Variants in PRH1 observed in about 807,000 individuals in gnomAD.
PRH1 encodes proline rich protein HaeIII subfamily 1.
Under a neutral mutation model 7.9 loss-of-function variants are expected in PRH1, and 7 were observed. That is an observed-to-expected ratio of 0.89 (90% CI 0.50 to 1.67). The LOEUF (loss-of-function observed/expected upper bound fraction) is 1.67, where lower values mean the gene tolerates loss of function less well. Among genes scored for constraint, PRH1 ranks in the 40% most tolerant of loss-of-function variants. The pLI, the probability that PRH1 is intolerant of heterozygous loss-of-function variation, is 0.00. For synonymous variants in PRH1, 45 were observed against 80.8 expected (o/e 0.56, Z 2.38); for missense variants, 109 against 223.6 (o/e 0.49, Z 3.27).
intron 2 of PRH1, among the ~76,000 whole-genome samples, chr12:10,956,433 G>A (rs933941168): frequency 2.0e-5 from 3 of 151,846 alleles, no homozygotes; most frequent in African/African-American, 4.8e-5. Context: ...ACAATAATAA[G>A]AGCCACCCAT....
intron 1 of PRH1, among the ~76,000 whole-genome samples, chr12:11,001,269 A>G (rs1318243629): frequency 6.6e-6 from 1 of 152,070 alleles, no homozygotes; most frequent in Non-Finnish European, 1.5e-5. Flanking sequence ...CCAATAAATA[A>G]ATTATAGCAC....
chr12:11,156,938 T>C (rs34692077), intron 1 of PRH1, among the ~76,000 whole-genome samples: 112,793 of 151,254 alleles, frequency 0.75, 44,529 homozygotes, highest in East Asian at 0.96. Context: ...CTCTGCCTCC[T>C]GGGTTCACAC....
At chr12:10,946,900 C>T (rs1039986319) in intron 2 of PRH1, among the ~76,000 whole-genome samples, 3 of 151,982 alleles carry the variant, frequency 2.0e-5, no homozygotes, top group Non-Finnish European at 4.4e-5. Flanking sequence ...TAAAAGTCAT[C>T]CAGGAGCATG....
intron 1 of PRH1, among the ~76,000 whole-genome samples, chr12:11,109,094 C>T (rs1257053826): frequency 6.6e-6 from 1 of 152,202 alleles, no homozygotes; most frequent in East Asian, 1.9e-4. Flanking sequence ...TCTGCACAAC[C>T]ACTGTAGCCA....
chr12:11,002,872 A>C (rs1940658775), intron 1 of PRH1, among the ~76,000 whole-genome samples: 1 of 152,100 alleles, frequency 6.6e-6, no homozygotes, highest in South Asian at 2.1e-4. Flanking sequence ...AATGGGAACA[A>C]CATGAGTATA....
At chr12:10,898,098 G>A (rs1048360098) in intron 2 of PRH1, among the ~76,000 whole-genome samples, 1 of 152,110 alleles carries the variant, frequency 6.6e-6, no homozygotes. Flanking sequence ...CTCAGTGTAA[G>A]GGGAACTTGT....
In PRH1 at chr12:11,094,107, T is replaced by C. The variant is rs549779826; in HGVS notation, n.124-46919A>G. ...TTATGAGGTCAAGAGATGGAGACCATCCTGGCCAACATGGTGAAACCCCGT... is the reference window on the plus strand; with the variant it reads ...TTATGAGGTCAAGAGATGGAGACCACCCTGGCCAACATGGTGAAACCCCGT... On this transcript the variant is annotated intron_variant and non_coding_transcript_variant, in intron 1 of 4. Coordinates refer to the PRH1 transcript ENST00000541977. Among the ~76,000 whole-genome samples, 30 of 111,638 alleles carry C rather than the reference T, an allele frequency of 2.7e-4. 7 individuals are homozygous for C. Among genetic ancestry groups the C allele is most frequent in the Non-Finnish European group, 4.4e-4 (21 of 47,618 alleles). 73.2% of individuals were successfully genotyped at this position (111,638 alleles called of 152,430 possible).
At chr12:10,965,824 C>T (rs555059137) in intron 2 of PRH1, among the ~76,000 whole-genome samples, 6 of 152,300 alleles carry the variant, frequency 3.9e-5, no homozygotes, top group African/African-American at 1.4e-4. Context: ...TTAGTTATAA[C>T]TAGGATCATC....
chr12:10,909,115 T>C (rs1471907519), intron 2 of PRH1: 1 of 1,613,778 alleles, frequency 6.2e-7, no homozygotes. Context: ...CTTACTAATA[T>C]TTCCCAGATC....
chr12:11,119,094 G>A (rs1363421288), downstream of PRH1, among the ~76,000 whole-genome samples: 5 of 151,612 alleles, frequency 3.3e-5, no homozygotes, highest in Middle Eastern at 6.8e-3. Flanking sequence ...CCTGTCATTT[G>A]CAGCAATACG....
intron 2 of PRH1, among the ~76,000 whole-genome samples, chr12:10,956,935 G>T (rs1591725927): frequency 6.6e-6 from 1 of 151,996 alleles, no homozygotes; most frequent in African/African-American, 2.4e-5. Context: ...ACGGGAAAAC[G>T]TTCCAGGTGC....
chr12:10,963,059 C>G (rs1216397693), intron 2 of PRH1, among the ~76,000 whole-genome samples: 1 of 152,150 alleles, frequency 6.6e-6, no homozygotes, highest in Non-Finnish European at 1.5e-5. Context: ...CGTGAGCCAC[C>G]GACCCCGACC....
At chr12:10,951,849 C>A (rs1360047265) in intron 2 of PRH1, among the ~76,000 whole-genome samples, 1 of 152,062 alleles carries the variant, frequency 6.6e-6, no homozygotes, top group Non-Finnish European at 1.5e-5. Flanking sequence ...TTAAGATTAA[C>A]AGATGTTAAA....
At chr12:11,106,586 T>C (rs868392861) in intron 1 of PRH1, among the ~76,000 whole-genome samples, 15 of 138,032 alleles carry the variant, frequency 1.1e-4, no homozygotes, top group Middle Eastern at 3.6e-3. Flanking sequence ...TAGATCTTCA[T>C]ATATGAATAT....
At chr12:11,044,424 C>G (rs144898923) in intron 1 of PRH1, among the ~76,000 whole-genome samples, 2 of 151,932 alleles carry the variant, frequency 1.3e-5, no homozygotes, top group Non-Finnish European at 2.9e-5. Flanking sequence ...GGAACCAAGT[C>G]AAAAATGCAC....
intron 1 of PRH1, among the ~76,000 whole-genome samples, chr12:11,025,112 G>A (rs1420564262): frequency 2.7e-5 from 4 of 150,826 alleles, no homozygotes; most frequent in East Asian, 2.0e-4. Context: ...TCCGCCTTCC[G>A]GGTTTAGCCA....
upstream of PRH1, among the ~76,000 whole-genome samples, chr12:10,885,359 G>A (rs576249754): frequency 1.1e-4 from 16 of 151,944 alleles, no homozygotes; most frequent in South Asian, 3.3e-3. Flanking sequence ...TTTGTATTCT[G>A]AGTCTACCTT....
chr12:11,014,700 G>A (rs1276056765), intron 1 of PRH1, among the ~76,000 whole-genome samples: 1 of 152,002 alleles, frequency 6.6e-6, no homozygotes, highest in African/African-American at 2.4e-5. Flanking sequence ...AAAGGATGCT[G>A]AAAATTCACC....
chr12:10,884,305 A>T, upstream of PRH1: 1 of 1,571,888 alleles, frequency 6.4e-7, no homozygotes, highest in Non-Finnish European at 8.7e-7. Context: ...ACAATGGTGC[A>T]TTTGAGCTCC....
Sources: allele counts gnomAD v4.1 joint callset (sites outside exome capture counted in the v4.1 genomes callset), GRCh38; gene constraint gnomAD v4.1.1; transcripts MANE v1.5; gene names NCBI Gene and HGNC (gene_info 2026-07-23, HGNC 2026-07-21).